Variants in IMMP2L observed in about 807,000 individuals in gnomAD.
IMMP2L encodes the protein inner mitochondrial membrane peptidase subunit 2.
A neutral mutation model predicts 19.3 loss-of-function variants in IMMP2L; 18 were observed. The observed-to-expected ratio is 0.93, with a 90% CI of 0.64 to 1.38. IMMP2L has a LOEUF of 1.38. Ranked by LOEUF, IMMP2L falls within the 40% of genes most tolerant of loss-of-function variation. The pLI, the probability that IMMP2L is intolerant of heterozygous loss-of-function variation, is 0.00. For synonymous variants in IMMP2L, 76 were observed against 73.0 expected (o/e 1.04, Z -0.21); for missense variants, 233 against 218.2 (o/e 1.07, Z -0.43).
intron 3 of IMMP2L, among the ~76,000 whole-genome samples, chr7:111,161,173 T>A (rs1805220932): frequency 6.6e-6 from 1 of 151,884 alleles, no homozygotes; most frequent in Admixed American, 6.6e-5. Context: ...AGCATTTCAA[T>A]CTTATACTTT....
At chr7:111,407,000 T>C (rs112634884) in intron 3 of IMMP2L, among the ~76,000 whole-genome samples, 3,071 of 152,198 alleles carry the variant, frequency 0.02, 107 homozygotes, top group African/African-American at 0.07. Flanking sequence ...TGAGCCGACA[T>C]ATACATAATG....
intron 3 of IMMP2L, among the ~76,000 whole-genome samples, chr7:111,111,299 TAAAAA>T (rs751990466): frequency 1.1e-5 from 1 of 92,282 alleles, no homozygotes; most frequent in African/African-American, 3.9e-5. Flanking sequence ...GTAGCAGTTG[TAAAAA>T]AAAAAAAAAA....
At chr7:111,096,438 T>C (rs141112682) in intron 3 of IMMP2L, among the ~76,000 whole-genome samples, 3 of 151,584 alleles carry the variant, frequency 2.0e-5, no homozygotes, top group Admixed American at 2.0e-4. Context: ...TATATCTGGA[T>C]AGATTCTTGC....
At chr7:111,448,092 C>A (rs1258653762) in intron 3 of IMMP2L, among the ~76,000 whole-genome samples, 2 of 142,834 alleles carry the variant, frequency 1.4e-5, no homozygotes, top group Non-Finnish European at 3.0e-5. Context: ...GACTTAGACT[C>A]CCACACATTA....
chr7:111,446,105 T>TGCAAGGCGGCA (rs971696318), intron 3 of IMMP2L, among the ~76,000 whole-genome samples: 7,477 of 151,668 alleles, frequency 0.049, 266 homozygotes, highest in South Asian at 0.082. Flanking sequence ...GAGATCAAAC[T>TGCAAGGCGGCA]GCAAGGCGGC....
intron 5 of IMMP2L, among the ~76,000 whole-genome samples, chr7:110,817,743 T>G (rs1486761484): frequency 6.6e-6 from 1 of 152,048 alleles, no homozygotes; most frequent in African/African-American, 2.4e-5. Context: ...CAAAACAGCA[T>G]GGTACTGGTA....
intron 3 of IMMP2L, among the ~76,000 whole-genome samples, chr7:111,311,691 G>A (rs1276940626): frequency 6.6e-6 from 1 of 152,080 alleles, no homozygotes; most frequent in Non-Finnish European, 1.5e-5. Flanking sequence ...TGTTGTATCA[G>A]GGTGAGGAAA....
At chr7:111,326,814 T>C (rs1044138343) in intron 3 of IMMP2L, among the ~76,000 whole-genome samples, 2 of 151,846 alleles carry the variant, frequency 1.3e-5, no homozygotes, top group African/African-American at 4.8e-5. Flanking sequence ...CTACCATTTC[T>C]TGGAGCAATC....
At chr7:111,112,978 T>C (rs546628162) in intron 3 of IMMP2L, among the ~76,000 whole-genome samples, 2 of 152,320 alleles carry the variant, frequency 1.3e-5, no homozygotes, top group South Asian at 4.2e-4. Context: ...TCTCAATTCT[T>C]AGTAAAAACG....
rs535736699 is a variant in IMMP2L at position 110,802,863 on chromosome 7, T to C, written c.408+83730A>G. Among the ~76,000 whole-genome samples the C allele has an allele frequency of 9.2e-5, 14 of 152,182 alleles. No homozygotes were observed. In the South Asian group the frequency reaches 2.9e-3, roughly 32 times the overall value. ...GCATTATGGGCACATAGTGCAATGGTTCAGTACTCATTTCTGGGCCGGTTA... is the reference window on the plus strand; with the variant it reads ...GCATTATGGGCACATAGTGCAATGGCTCAGTACTCATTTCTGGGCCGGTTA... On this transcript the variant is annotated intron_variant, in intron 5 of 5. Transcript: ENST00000405709.
At chr7:110,909,861 A>T (rs1466857878) in intron 4 of IMMP2L, among the ~76,000 whole-genome samples, 3 of 151,904 alleles carry the variant, frequency 2.0e-5, no homozygotes, top group African/African-American at 7.3e-5. Context: ...TACTTCTGTG[A>T]GTTAGAAAAG....
chr7:111,062,997 C>G (rs1794161438), intron 3 of IMMP2L, among the ~76,000 whole-genome samples: 1 of 152,236 alleles, frequency 6.6e-6, no homozygotes, highest in Non-Finnish European at 1.5e-5. Flanking sequence ...GACAGTGGCA[C>G]ACTTCTCACA....
chr7:110,878,827 C>A (rs1809342193), intron 5 of IMMP2L, among the ~76,000 whole-genome samples: 1 of 152,246 alleles, frequency 6.6e-6, no homozygotes, highest in East Asian at 1.9e-4. Context: ...GACCTTTCAA[C>A]AGAATACTCA....
intron 1 of IMMP2L, among the ~76,000 whole-genome samples, chr7:111,546,452 T>G (rs1585629789): frequency 1.3e-5 from 2 of 152,282 alleles, no homozygotes; most frequent in Non-Finnish European, 2.9e-5. Context: ...TCTTTGTCCA[T>G]TTTTCTATCC....
intron 5 of IMMP2L, among the ~76,000 whole-genome samples, chr7:110,723,614 A>G (rs1795710679): frequency 6.6e-6 from 1 of 152,212 alleles, no homozygotes; most frequent in Non-Finnish European, 1.5e-5. Context: ...GACACAGGCC[A>G]TATGTGTGGT....
At chr7:111,174,986 T>C (rs1484023011) in intron 3 of IMMP2L, among the ~76,000 whole-genome samples, 1 of 151,848 alleles carries the variant, frequency 6.6e-6, no homozygotes, top group East Asian at 1.9e-4. Context: ...TTAGTACCAT[T>C]AAAAACCTTT....
chr7:111,111,819 G>A (rs1002883599), intron 3 of IMMP2L, among the ~76,000 whole-genome samples: 10 of 151,026 alleles, frequency 6.6e-5, no homozygotes, highest in African/African-American at 1.9e-4. Context: ...CATCCTGGGC[G>A]ACAAAAGGAG....
intron 5 of IMMP2L, among the ~76,000 whole-genome samples, chr7:110,745,018 G>A (rs192213702): frequency 5.3e-4 from 80 of 152,248 alleles, no homozygotes; most frequent in Middle Eastern, 3.4e-3. Context: ...AAGGTTAAAC[G>A]AATTGCTAAC....
At chr7:110,703,946 T>C (rs566814006) in intron 5 of IMMP2L, among the ~76,000 whole-genome samples, 9 of 151,800 alleles carry the variant, frequency 5.9e-5, no homozygotes, top group South Asian at 4.2e-4. Flanking sequence ...CCCGGGTTCA[T>C]GCCATTCTTC....
Sources: gnomAD v4.1 joint callset for allele counts (sites outside exome capture counted in the v4.1 genomes callset) on GRCh38, gnomAD v4.1.1 for gene constraint, MANE v1.5 for transcripts, NCBI Gene and HGNC (gene_info 2026-07-23, HGNC 2026-07-21) for gene names.